Variants in PDK3 observed in about 807,000 individuals in gnomAD.
The protein encoded by PDK3 is pyruvate dehydrogenase kinase, isozyme 3.
Under a neutral mutation model 32.0 loss-of-function variants are expected in PDK3, and 12 were observed. The observed-to-expected ratio is 0.37, with a 90% confidence interval of 0.24 to 0.61. The LOEUF is 0.61. Ranked by LOEUF, PDK3 falls within the 20% of genes least tolerant of loss-of-function variation. PDK3 has a pLI of 0.65. For synonymous variants in PDK3, 122 were observed against 116.3 expected, an observed-to-expected ratio of 1.05 and a Z score of -0.31; for missense variants, 188 against 316.9, an observed-to-expected ratio of 0.59 and a Z score of 3.09.
chrX:24,506,207 C>T (rs1306817867), intron 5 of PDK3, among the ~76,000 whole-genome samples: 4 of 111,765 alleles, frequency 3.6e-5, no homozygotes. Flanking sequence ...CTGCCCTGGC[C>T]TCTGTTGAGT....
intron 2 of PDK3, among the ~76,000 whole-genome samples, chrX:24,497,992 C>T (rs1034109582): frequency 1.3e-4 from 15 of 111,484 alleles, no homozygotes; most frequent in African/African-American, 4.6e-4. Context: ...CTTATACTGG[C>T]CCTGATTGAG....
chrX:24,539,034 TGAA>T, downstream of PDK3: 1 of 537,946 alleles, frequency 1.9e-6, no homozygotes, highest in African/African-American at 2.3e-5. Flanking sequence ...CAAGGGTTTT[TGAA>T]TTATCACTAT....
Position 24,532,653 on chromosome X carries a change from C to T in PDK3, c.1077+883C>T, listed in dbSNP as rs767860037. Reference sequence around the variant, plus strand: ...GTCTCTCCTCCCACTGGCCCTAAACCGCCAGTTCTGTTCAGCGAAGATCAC... The same window carrying T: ...GTCTCTCCTCCCACTGGCCCTAAACTGCCAGTTCTGTTCAGCGAAGATCAC... On this transcript the variant is annotated intron_variant, in intron 10 of 10. Transcript: ENST00000379162. 5.7e-3 allele frequency among the ~76,000 whole-genome samples: 642 copies of T among 111,786 alleles called. 6 individuals are homozygous for T. The highest frequency in any genetic ancestry group is 8.4e-3 in the Non-Finnish European group (449 of 53,169).
intron 1 of PDK3, among the ~76,000 whole-genome samples, chrX:24,467,292 T>G (rs1023902091): frequency 8.9e-6 from 1 of 112,422 alleles, no homozygotes; most frequent in Non-Finnish European, 1.9e-5. Flanking sequence ...GAGTAGATTG[T>G]ATCAGGCGAT....
downstream of PDK3, among the ~76,000 whole-genome samples, chrX:24,537,282 A>ATTTTTTTTTTTTT (rs1167543267): frequency 9.1e-5 from 6 of 65,666 alleles, no homozygotes; most frequent in Non-Finnish European, 1.7e-4. Context: ...ACGCCTGGCT[A>ATTTTTTTTTTTTT]TTTTTTTTTT....
intron 5 of PDK3, among the ~76,000 whole-genome samples, chrX:24,512,923 G>T (rs187633225): frequency 9.9e-4 from 110 of 111,153 alleles, no homozygotes; most frequent in African/African-American, 3.6e-3. Context: ...AGCTTGTTGG[G>T]CACTCTAGTC....
chrX:24,544,649 C>G (rs1283787720), exon 12 of PDK3, among the ~76,000 whole-genome samples: 1 of 111,977 alleles, frequency 8.9e-6, no homozygotes, highest in Admixed American at 9.5e-5. Flanking sequence ...CTGGCAAATG[C>G]AAGAACTCTT....
At chrX:24,518,873 ACACACACG>A in intron 5 of PDK3, 52 bp from the exon 6 acceptor site, 2 of 591,388 alleles carry the variant, frequency 3.4e-6, no homozygotes, top group South Asian at 3.1e-5. Context: ...ACACACACAC[ACACACACG>A]CTTGTGCCTA....
chrX:24,484,634 C>T (rs758586619), intron 1 of PDK3, among the ~76,000 whole-genome samples: 7 of 112,287 alleles, frequency 6.2e-5, no homozygotes, highest in South Asian at 3.7e-4. Context: ...CAATCACCTT[C>T]GTACCCCCTT....
intron 1 of PDK3, among the ~76,000 whole-genome samples, chrX:24,474,383 TTTTA>T (rs57520211): frequency 0.051 from 4,952 of 96,775 alleles, 170 homozygotes; most frequent in East Asian, 0.14. Context: ...TATAAGTTTA[TTTTA>T]TTTATTTATT....
chrX:24,478,618 C>T (rs189570678), intron 1 of PDK3, among the ~76,000 whole-genome samples: 5 of 112,162 alleles, frequency 4.5e-5, no homozygotes, highest in Non-Finnish European at 9.4e-5. Context: ...TCAAGGAGAA[C>T]CCCATTCCTG....
At chrX:24,517,896 G>T (rs910561251) in intron 5 of PDK3, among the ~76,000 whole-genome samples, 1 of 112,031 alleles carries the variant, frequency 8.9e-6, no homozygotes, top group African/African-American at 3.2e-5. Flanking sequence ...CTTAAATTGT[G>T]TGGCTCATGG....
intron 1 of PDK3, among the ~76,000 whole-genome samples, chrX:24,473,791 A>G (rs1421606767): frequency 6.3e-5 from 7 of 111,502 alleles, no homozygotes; most frequent in Non-Finnish European, 7.5e-5. Flanking sequence ...ATTTTTTTCT[A>G]TAAACCTCTC....
intron 1 of PDK3, among the ~76,000 whole-genome samples, chrX:24,472,617 T>C (rs895980922): frequency 6.3e-5 from 7 of 110,403 alleles, no homozygotes; most frequent in African/African-American, 2.3e-4. Flanking sequence ...CTTTTTTATG[T>C]TAATGTGGCT....
rs1215980952 is a variant in PDK3, at chrX:24,465,469, G to A, written c.14G>A (p.Arg5Gln). The A allele has an allele frequency of 1.7e-6, 2 of 1,203,018 alleles. No homozygotes were observed. The highest frequency in any genetic ancestry group is 2.2e-5 in the Admixed American group (1 of 45,914). ...GCCCGGGCGAGGATGCGGCTGTTCC[G>A]GTGGCTGCTGAAGCAGCCGGTGCCC... is the stretch of plus-strand genomic sequence containing the variant. MRLF[R>Q]WLLKQPVPKQ... The change falls in exon 1 of 11, where the codon CGG (arginine) becomes CAG (glutamine). Residue 5 changes from arginine (R) to glutamine (Q), a missense_variant. Coordinates refer to ENST00000379162, the MANE Select transcript of PDK3 (RefSeq NM_005391.5).
At chrX:24,496,568 CTTTTTT>C (rs763095558) in intron 2 of PDK3, among the ~76,000 whole-genome samples, 4 of 39,326 alleles carry the variant, frequency 1.0e-4, no homozygotes, top group Non-Finnish European at 1.8e-4. Context: ...CTACCCCCAT[CTTTTTT>C]TTTTTTTTTT....
intron 6 of PDK3, among the ~76,000 whole-genome samples, chrX:24,519,366 C>CT (rs1201625079): frequency 0.056 from 4,841 of 86,586 alleles, 216 homozygotes; most frequent in Non-Finnish European, 0.07. Flanking sequence ...AGACAAATGC[C>CT]TTTTTTTTTT....
At chrX:24,538,834 G>A (rs1922832916), downstream of PDK3, among the ~76,000 whole-genome samples, 1 of 111,556 alleles carries the variant, frequency 9.0e-6, no homozygotes, top group South Asian at 3.8e-4. Flanking sequence ...TCACAGAGTT[G>A]TGCAGCCCTT....
chrX:24,531,827 T>C, intron 10 of PDK3, 57 bp downstream of exon 10: 2 of 600,774 alleles, frequency 3.3e-6, no homozygotes, highest in South Asian at 5.2e-5. Context: ...CTGTAAGTTC[T>C]AATCGCTGAT....
Sources: gnomAD v4.1 joint callset for allele counts (sites outside exome capture counted in the v4.1 genomes callset) on GRCh38, gnomAD v4.1.1 for gene constraint, MANE v1.5 for transcripts, NCBI Gene and HGNC (gene_info 2026-07-23, HGNC 2026-07-21) for gene names.